UBR7: variants seen among roughly 807,000 people sequenced by gnomAD.
UBR7 encodes ubiquitin protein ligase E3 component n-recognin 7.
Under a neutral mutation model 57.0 loss-of-function variants are expected in UBR7, and 22 were observed. The observed-to-expected ratio is 0.39, with a 90% CI of 0.28 to 0.55. UBR7 has a LOEUF of 0.55. Ranked by LOEUF, UBR7 falls within the 20% of genes least tolerant of loss-of-function variation. UBR7 has a pLI of 0.69. For missense variants in UBR7, 395 were observed against 513.2 expected, an observed-to-expected ratio of 0.77 and a Z score of 2.23; for synonymous variants, 167 against 179.8, an observed-to-expected ratio of 0.93 and a Z score of 0.57.
intron 9 of UBR7, 147 bp downstream of exon 9, chr14:93,220,558 G>T (rs1466118111): frequency 1.1e-6 from 1 of 923,848 alleles, no homozygotes; most frequent in Admixed American, 2.2e-5. Context: ...ATATTGGTGG[G>T]TATTCAGCTG....
At chr14:93,221,949 T>C (rs1894717201) in intron 9 of UBR7, among the ~76,000 whole-genome samples, 1 of 152,012 alleles carries the variant, frequency 6.6e-6, no homozygotes, top group African/African-American at 2.4e-5. Context: ...AGACTCCATC[T>C]CAAAAAATAA....
In UBR7 at chr14:93,227,015, A is replaced by T. The variant is rs1470089758; in HGVS notation, c.1258A>T (p.Met420Leu). The T allele has an allele frequency of 6.2e-7, 1 of 1,612,016 alleles. No homozygotes were observed. The highest frequency in any genetic ancestry group is 8.5e-7 in the Non-Finnish European group (1 of 1,178,592). Residue 420 changes from methionine (M) to leucine (L), a missense_variant, in exon 11 of 11, where the codon ATG (methionine) becomes TTG (leucine). By Grantham distance (15) the Met-to-Leu change is conservative (BLOSUM62 2). Coordinates refer to ENST00000013070, the MANE Select transcript of UBR7 (RefSeq NM_175748.4). Reference protein sequence around the residue: ...QSKKRRRVDGMQYYCS With the variant: ...QSKKRRRVDGLQYYCS Reference sequence around the variant, plus strand: ...AAAAAAGAGAAGAAGAGTGGATGGGATGCAGTATTACTGCAGCTAGAGTGG... The same window carrying T: ...AAAAAAGAGAAGAAGAGTGGATGGGTTGCAGTATTACTGCAGCTAGAGTGG...
rs1263008587 is a variant in UBR7 at position 93,228,668 on chromosome 14, G to C, written c.*1633G>C. 2.2e-6 allele frequency: 1 copy of C among 454,104 alleles called. No homozygotes were observed. The allele number at this position is 454,104 out of a possible 1,614,324, so 28.1% of individuals were successfully genotyped here. On this transcript the variant is annotated 3_prime_UTR_variant, in exon 11 of 11. Coordinates refer to ENST00000013070, the MANE Select transcript of UBR7 (RefSeq NM_175748.4). ...CTTGTGCAGAGGGCTCCGTTCAAAG[G>C]CTCGGGGTGTCTTTGAGGTTGTTTA...
At chr14:93,207,532 C>A in intron 1 of UBR7, 91 bp downstream of exon 1, 2 of 1,449,472 alleles carry the variant, frequency 1.4e-6, no homozygotes, top group South Asian at 2.9e-5. Context: ...TTGCCGCAGT[C>A]GTCTCCCCAG....
rs567813328 is a variant in UBR7, at chr14:93,213,435, G to T, written c.441+1308G>T. Among the ~76,000 whole-genome samples the T allele has an allele frequency of 1.0e-3, 154 of 151,986 alleles. 1 individual carries two copies. In the Middle Eastern group the frequency reaches 0.01, roughly 10 times the overall value. ...CCATTCTCCTGCCTCAGCCTCCTGAGTAGCTGGGACTACAGGTGCCCGCCA... is the reference window on the plus strand; with the variant it reads ...CCATTCTCCTGCCTCAGCCTCCTGATTAGCTGGGACTACAGGTGCCCGCCA... On this transcript the variant is annotated intron_variant, in intron 4 of 10. Transcript: ENST00000013070.
At chr14:93,219,845 C>T (rs1894668351) in intron 8 of UBR7, among the ~76,000 whole-genome samples, 1 of 152,146 alleles carries the variant, frequency 6.6e-6, no homozygotes, top group Non-Finnish European at 1.5e-5. Context: ...TGTGGTGGCA[C>T]ATGCCTGTAA....
In UBR7 at chr14:93,208,981, G is replaced by C. The variant is rs115288873; in HGVS notation, c.151-843G>C. ...TCCAGCTAATTTTTGTATTTTTAGT[G>C]GATGGGGTGTTCTAGAGATGAGGTT... On this transcript the variant is annotated intron_variant, in intron 1 of 10. Coordinates refer to ENST00000013070, the MANE Select transcript of UBR7 (RefSeq NM_175748.4). Among the ~76,000 whole-genome samples the C allele has an allele frequency of 8.9e-3, 1,356 of 152,070 alleles. 22 individuals carry two copies. Among genetic ancestry groups the C allele is most frequent in the African/African-American group, 0.031 (1,285 of 41,464 alleles).
At chr14:93,208,327 A>G (rs1894410308) in intron 1 of UBR7, among the ~76,000 whole-genome samples, 1 of 152,146 alleles carries the variant, frequency 6.6e-6, no homozygotes, top group Non-Finnish European at 1.5e-5. Flanking sequence ...TGAGATCATA[A>G]TACCAGTTCT....
intron 10 of UBR7, chr14:93,223,859 A>G (rs1894771053): frequency 2.7e-6 from 2 of 748,164 alleles, no homozygotes; most frequent in South Asian, 1.4e-5. Context: ...TTCCCGGTAC[A>G]TGTTGGGGGC....
intron 10 of UBR7, among the ~76,000 whole-genome samples, chr14:93,224,765 G>A (rs1184880253): frequency 6.6e-6 from 1 of 152,140 alleles, no homozygotes; most frequent in Non-Finnish European, 1.5e-5. Flanking sequence ...AGCTTCTTTG[G>A]TGCTAGAACT....
Position 93,220,306 on chromosome 14 carries a change from G to T in UBR7, c.1018G>T (p.Ala340Ser). ...GACAGATGAATACGACACAGTTCTGGCTTATGAAAACAAAGGGAAGATTGC... is the reference window on the plus strand; with the variant it reads ...GACAGATGAATACGACACAGTTCTGTCTTATGAAAACAAAGGGAAGATTGC... ...FLTDEYDTVLAYENKGKIAQA... is the reference protein window; with the variant it reads ...FLTDEYDTVLSYENKGKIAQA... Residue 340 changes from alanine to serine, a missense_variant, in exon 9 of 11, where the codon GCT becomes TCT. By Grantham distance (99) the Ala-to-Ser change is moderately conservative. Transcript: ENST00000013070. The T allele has an allele frequency of 6.2e-7, 1 of 1,611,936 alleles. No homozygotes were observed. Among genetic ancestry groups the T allele is most frequent in the East Asian group, 2.2e-5 (1 of 44,792 alleles).
At chr14:93,218,383 T>C (rs1282695820) in intron 6 of UBR7, 144 bp from the exon 7 acceptor site, 6 of 732,220 alleles carry the variant, frequency 8.2e-6, no homozygotes, top group Admixed American at 2.4e-5. Context: ...TGCACTCCAG[T>C]GTGGACGACA....
intron 10 of UBR7, chr14:93,223,651 CA>C: frequency 7.2e-7 from 1 of 1,389,650 alleles, no homozygotes; most frequent in Admixed American, 1.8e-5. Flanking sequence ...GGCTGACGGG[CA>C]GGACCCGGTG....
intron 6 of UBR7, among the ~76,000 whole-genome samples, chr14:93,218,090 A>C (rs1894625746): frequency 8.0e-6 from 1 of 124,554 alleles, no homozygotes; most frequent in South Asian, 3.0e-4. Flanking sequence ...GCGAAACTCT[A>C]TCTCAAAAAA....
chr14:93,211,427 A>G (rs564107036), intron 3 of UBR7, among the ~76,000 whole-genome samples: 17 of 140,380 alleles, frequency 1.2e-4, no homozygotes, highest in South Asian at 2.3e-4. Flanking sequence ...CGTGCCTGTA[A>G]TCCCAGCTAC....
chr14:93,226,890 A>G (rs1342754589), intron 10 of UBR7, 53 bp from the exon 11 acceptor site: 1 of 1,292,546 alleles, frequency 7.7e-7, no homozygotes, highest in South Asian at 1.2e-5. Context: ...ATGACCTCGG[A>G]TTGCGATTCT....
intron 6 of UBR7, among the ~76,000 whole-genome samples, chr14:93,215,881 G>T (rs983464685): frequency 1.6e-4 from 25 of 152,124 alleles, no homozygotes; most frequent in African/African-American, 5.8e-4. Context: ...GAAATAAGTT[G>T]TTAATTCTAA....
chr14:93,224,622 C>T (rs1204185680), intron 10 of UBR7, among the ~76,000 whole-genome samples: 4 of 152,144 alleles, frequency 2.6e-5, no homozygotes, highest in African/African-American at 9.7e-5. Context: ...TGTGATCCGC[C>T]CACCTTGGCC....
chr14:93,222,919 C>T (rs918635371), intron 10 of UBR7, among the ~76,000 whole-genome samples: 3 of 152,122 alleles, frequency 2.0e-5, no homozygotes, highest in African/African-American at 7.2e-5. Context: ...GGCGCAGTCC[C>T]ACAGCCTCTG....
Sources: gnomAD v4.1 joint callset for allele counts (sites outside exome capture counted in the v4.1 genomes callset) on GRCh38, gnomAD v4.1.1 for gene constraint, MANE v1.5 for transcripts, NCBI Gene and HGNC (gene_info 2026-07-23, HGNC 2026-07-21) for gene names.